Variants in OTOGL observed in about 807,000 individuals in gnomAD.
OTOGL encodes the protein otogelin-like protein.
In OTOGL, 285 loss-of-function variants were observed where a neutral mutation model predicts 318.5. The ratio of observed to expected loss-of-function variants is 0.89; its 90% CI spans 0.81 to 0.99. OTOGL has a LOEUF of 0.99. Ranked by LOEUF, OTOGL falls within the 50% of genes least tolerant of loss-of-function variation. OTOGL has a pLI of 0.00. For synonymous variants in OTOGL, 987 were observed against 936.5 expected, an observed-to-expected ratio of 1.05 and a Z score of -0.99; for missense variants, 2,899 against 2,845.6, an observed-to-expected ratio of 1.02 and a Z score of -0.43.
chr12:80,249,589 A>G (rs1001282903), intron 11 of OTOGL, among the ~76,000 whole-genome samples: 1 of 151,944 alleles, frequency 6.6e-6, no homozygotes, highest in Non-Finnish European at 1.5e-5. Flanking sequence ...AGGGACATTT[A>G]AGTCTGCAGA....
intron 1 of OTOGL, among the ~76,000 whole-genome samples, chr12:80,146,162 T>C (rs1872341017): frequency 1.3e-5 from 2 of 148,694 alleles, no homozygotes; most frequent in South Asian, 4.1e-4. Flanking sequence ...GCTTCCAGTT[T>C]TTGCCCATTC....
intron 26 of OTOGL, among the ~76,000 whole-genome samples, chr12:80,284,534 G>T (rs961992888): frequency 1.3e-5 from 2 of 152,062 alleles, no homozygotes; most frequent in African/African-American, 2.4e-5. Flanking sequence ...ATCCTCTCCA[G>T]CATCTGTTGT....
intron 7 of OTOGL, among the ~76,000 whole-genome samples, chr12:80,222,575 C>T (rs1253300298): frequency 6.6e-6 from 1 of 152,148 alleles, no homozygotes; most frequent in Non-Finnish European, 1.5e-5. Flanking sequence ...TAGTTTGATA[C>T]TATATGACTG....
chr12:80,148,245 T>G (rs10778716), intron 1 of OTOGL, among the ~76,000 whole-genome samples: 1 of 143,846 alleles, frequency 7.0e-6, no homozygotes. Flanking sequence ...GTAGGGCAGG[T>G]CCGGTGGTGA....
At chr12:80,275,478 A>T (rs1883733435) in intron 24 of OTOGL, among the ~76,000 whole-genome samples, 2 of 151,938 alleles carry the variant, frequency 1.3e-5, no homozygotes, top group Non-Finnish European at 2.9e-5. Context: ...GTTTCTTGAG[A>T]TGTGATCTAT....
chr12:80,256,181 A>G (rs982089961), intron 16 of OTOGL, among the ~76,000 whole-genome samples, 156 bp from the exon 17 acceptor site: 2 of 152,090 alleles, frequency 1.3e-5, no homozygotes, highest in South Asian at 2.1e-4. Flanking sequence ...AGGCTTTTAT[A>G]TATTAGAAAT....
chr12:80,292,501 A>C (rs1031571477), intron 26 of OTOGL, among the ~76,000 whole-genome samples: 6 of 152,196 alleles, frequency 3.9e-5, no homozygotes, highest in Admixed American at 2.0e-4. Context: ...ACAATCTCCA[A>C]AGTAATCAGA....
At chr12:80,251,952 C>A in intron 12 of OTOGL, 124 bp from the exon 13 acceptor site, 5 of 856,376 alleles carry the variant, frequency 5.8e-6, no homozygotes, top group Non-Finnish European at 6.2e-6. Flanking sequence ...AACAAGTATG[C>A]AATTTTTTTG....
intron 33 of OTOGL, among the ~76,000 whole-genome samples, chr12:80,318,914 A>G (rs1187525053): frequency 1.3e-5 from 2 of 152,122 alleles, no homozygotes; most frequent in Non-Finnish European, 2.9e-5. Context: ...ATTTATTGGC[A>G]TATATATATT....
Position 80,356,817 on chromosome 12 carries a change from A to G in OTOGL, c.5922A>G (p.Pro1974=). Residue 1974 remains proline, a synonymous_variant, in exon 49 of 59, where the codon CCA becomes CCG. Transcript: ENST00000547103. ...CCPQYKCECD[P]LKCPSISTPE... The stretch of plus-strand genomic sequence containing the variant: ...ATTTTGTTTCTGCAGAATGTGACCC[A>G]TTGAAATGCCCCAGTATTTCAACAC... The G allele has an allele frequency of 1.3e-6, 2 of 1,593,696 alleles. No individual in the cohort carries two copies. The highest frequency in any genetic ancestry group is 1.7e-6 in the Non-Finnish European group (2 of 1,170,786).
At chr12:80,249,817 A>T (rs1881330376) in intron 11 of OTOGL, among the ~76,000 whole-genome samples, 1 of 150,060 alleles carries the variant, frequency 6.7e-6, no homozygotes, top group African/African-American at 2.5e-5. Flanking sequence ...AATCAGTGAG[A>T]CTCCGTGGGC....
chr12:80,219,181 G>C (rs1300343658), intron 5 of OTOGL, among the ~76,000 whole-genome samples: 2 of 151,908 alleles, frequency 1.3e-5, no homozygotes, highest in Non-Finnish European at 2.9e-5. Context: ...GCGTGATCTC[G>C]GCTCACTGCA....
chr12:80,264,282 T>C (rs565343164), intron 19 of OTOGL, among the ~76,000 whole-genome samples: 1 of 152,150 alleles, frequency 6.6e-6, no homozygotes, highest in Non-Finnish European at 1.5e-5. Flanking sequence ...ATCTGATCAG[T>C]CATTCTCAAG....
intron 39 of OTOGL, 26 bp downstream of exon 39, chr12:80,336,166 A>G: frequency 6.9e-7 from 1 of 1,448,372 alleles, no homozygotes; most frequent in Non-Finnish European, 9.1e-7. Context: ...TTAAGCGGTG[A>G]TCTTTTTTTT....
At chr12:80,212,964 G>A (rs1877387535) in intron 4 of OTOGL, among the ~76,000 whole-genome samples, 1 of 152,128 alleles carries the variant, frequency 6.6e-6, no homozygotes, top group Admixed American at 6.6e-5. Context: ...CCAAGAGAGG[G>A]TTCTTGGTTC....
intron 16 of OTOGL, among the ~76,000 whole-genome samples, chr12:80,255,966 G>A (rs903172356): frequency 2.0e-5 from 3 of 151,426 alleles, no homozygotes; most frequent in African/African-American, 4.9e-5. Flanking sequence ...TGTCTAATAC[G>A]CCAGTTAAAT....
In OTOGL at chr12:80,355,957, G is replaced by C; in HGVS notation, c.5806+9G>C. ...TTCAAAGGAAGTTTGTGGTATGTAT[G>C]CAGAAGCCTTATAGTCAATTGATTC... On this transcript the variant is annotated intron_variant, in intron 47 of 58. Transcript: ENST00000547103. 6.2e-7 allele frequency: 1 copy of C among 1,611,740 alleles called. No individual in the cohort carries two copies. The highest frequency in any genetic ancestry group is 8.5e-7 in the Non-Finnish European group (1 of 1,177,884).
At chr12:80,172,100 A>G (rs1874239902) in intron 1 of OTOGL, among the ~76,000 whole-genome samples, 1 of 151,902 alleles carries the variant, frequency 6.6e-6, no homozygotes, top group African/African-American at 2.4e-5. Context: ...TCCCTTTGCA[A>G]TCTCATCTTT....
At chr12:80,222,397 A>G (rs1477637213) in intron 7 of OTOGL, among the ~76,000 whole-genome samples, 152 bp downstream of exon 7, 3 of 152,102 alleles carry the variant, frequency 2.0e-5, no homozygotes, top group Non-Finnish European at 4.4e-5. Context: ...GAACCATATT[A>G]CTCACACTTC....
Sources: allele counts gnomAD v4.1 joint callset (sites outside exome capture counted in the v4.1 genomes callset), GRCh38; gene constraint gnomAD v4.1.1; transcripts MANE v1.5; gene names NCBI Gene and HGNC (gene_info 2026-07-23, HGNC 2026-07-21).